Variants in NXPE4 observed in about 807,000 individuals in gnomAD.
NXPE4 encodes NXPE family member 4.
NXPE4 carries 42 observed loss-of-function variants against 33.3 expected under a neutral mutation model. That is an observed-to-expected ratio of 1.26 (90% CI 0.98 to 1.63). The LOEUF (loss-of-function observed/expected upper bound fraction) is 1.63, where lower values mean the gene tolerates loss of function less well. NXPE4 is among the 40% of genes most tolerant of loss of function. The pLI, the probability that NXPE4 is intolerant of heterozygous loss-of-function variation, is 0.00. For synonymous variants in NXPE4, 253 were observed against 234.9 expected, an observed-to-expected ratio of 1.08 and a Z score of -0.71; for missense variants, 709 against 647.6, an observed-to-expected ratio of 1.09 and a Z score of -1.03.
At chr11:114,580,545 T>C (rs1053685560) in intron 4 of NXPE4, among the ~76,000 whole-genome samples, 1 of 152,204 alleles carries the variant, frequency 6.6e-6, no homozygotes, top group African/African-American at 2.4e-5. Context: ...ATAATGTTCA[T>C]TAATGTTCGT....
chr11:114,607,888 C>T, the NXPE4 span, among the ~76,000 whole-genome samples: 1 of 151,950 alleles, frequency 6.6e-6, no homozygotes, highest in African/African-American at 2.4e-5. Context: ...GTAAGTACTG[C>T]CTCGTGGGTA....
the NXPE4 span, among the ~76,000 whole-genome samples, chr11:114,671,541 G>A: frequency 6.6e-6 from 1 of 151,882 alleles, no homozygotes; most frequent in Non-Finnish European, 1.5e-5. Flanking sequence ...AGCAGCAAGA[G>A]GAAAATAATT....
intron 2 of NXPE4, among the ~76,000 whole-genome samples, chr11:114,593,991 G>A (rs1949521804): frequency 6.6e-6 from 1 of 152,064 alleles, no homozygotes; most frequent in Admixed American, 6.6e-5. Flanking sequence ...AAGTCATGGA[G>A]TTAGAGAGTA....
At chr11:114,626,811 C>T in the NXPE4 span, among the ~76,000 whole-genome samples, 2 of 152,006 alleles carry the variant, frequency 1.3e-5, no homozygotes, top group East Asian at 1.9e-4. Flanking sequence ...AACCAATACA[C>T]AGAAGTGCTT....
intron 4 of NXPE4, among the ~76,000 whole-genome samples, chr11:114,581,118 A>G (rs1033363738): frequency 2.0e-5 from 3 of 152,138 alleles, no homozygotes; most frequent in African/African-American, 7.2e-5. Flanking sequence ...TTCTTTTTTT[A>G]TGATTAGCAA....
chr11:114,606,747 A>C, the NXPE4 span, among the ~76,000 whole-genome samples: 24 of 152,044 alleles, frequency 1.6e-4, no homozygotes, highest in East Asian at 4.3e-3. Flanking sequence ...CTGCTGGATA[A>C]TAAGTAGTAC....
intron 4 of NXPE4, 44 bp from the exon 5 acceptor site, chr11:114,580,382 T>G (rs1420576051): frequency 6.5e-7 from 1 of 1,538,148 alleles, no homozygotes. Context: ...AACATCAAAT[T>G]ACCCGTCAGT....
At chr11:114,610,334 T>C in the NXPE4 span, among the ~76,000 whole-genome samples, 1 of 151,760 alleles carries the variant, frequency 6.6e-6, no homozygotes, top group African/African-American at 2.4e-5. Context: ...GAATAATAAG[T>C]ATGGCCTCAT....
At chr11:114,656,918 C>T in the NXPE4 span, among the ~76,000 whole-genome samples, 1 of 151,998 alleles carries the variant, frequency 6.6e-6, no homozygotes, top group African/African-American at 2.4e-5. Flanking sequence ...CGGTGAAACC[C>T]CGTCTCTACT....
chr11:114,600,637 A>T (rs1293820528), upstream of NXPE4, among the ~76,000 whole-genome samples: 1 of 152,130 alleles, frequency 6.6e-6, no homozygotes, highest in Non-Finnish European at 1.5e-5. Flanking sequence ...AGGAGACATG[A>T]TGACTAAATG....
chr11:114,631,146 C>G, the NXPE4 span, among the ~76,000 whole-genome samples: 1 of 151,946 alleles, frequency 6.6e-6, no homozygotes, highest in Non-Finnish European at 1.5e-5. Flanking sequence ...CTAGAAATAC[C>G]ATTTGACCCA....
the NXPE4 span, among the ~76,000 whole-genome samples, chr11:114,601,093 C>G: frequency 6.6e-6 from 1 of 151,584 alleles, no homozygotes; most frequent in Non-Finnish European, 1.5e-5. Flanking sequence ...TTGCTATTTA[C>G]TTATTTATAT....
chr11:114,635,559 G>A, the NXPE4 span, among the ~76,000 whole-genome samples: 33 of 152,118 alleles, frequency 2.2e-4, no homozygotes, highest in African/African-American at 6.7e-4. Flanking sequence ...CAAAGGGAAT[G>A]CTTCCAGTTT....
At position 114,582,784 on chromosome 11, in the gene NXPE4, A is replaced by G. The variant is rs1949184659; in HGVS notation, c.334T>C (p.Cys112Arg). 2 of 1,614,022 alleles carry G rather than the reference A, an allele frequency of 1.2e-6. No individual in the cohort carries two copies. The highest frequency in any genetic ancestry group is 3.3e-5 in the Admixed American group (2 of 60,004). ...ATILNPRDTY[C>R]RGDQLHILLE... is the part of the protein sequence containing the mutation. ...AGGATGTGCAGCTGGTCTCCCCTGC[A>G]GTACGTATCTCGAGGGTTGAGGATG... The change falls in exon 3 of 6, where the codon TGC (cysteine) becomes CGC (arginine). Residue 112 changes from cysteine to arginine, a missense_variant. By Grantham distance (180) the Cys-to-Arg change is radical. Transcript: ENST00000375478.
chr11:114,602,173 A>T, the NXPE4 span, among the ~76,000 whole-genome samples: 1 of 107,370 alleles, frequency 9.3e-6, no homozygotes, highest in Admixed American at 1.4e-4. Context: ...ATAATATATT[A>T]TACTATATAC....
the NXPE4 span, among the ~76,000 whole-genome samples, chr11:114,639,831 T>TTAAATATAAAATATAATATATAATA: frequency 9.3e-6 from 1 of 107,986 alleles, no homozygotes; most frequent in East Asian, 2.9e-4. Flanking sequence ...ATAATATATA[T>TTAAATATAAAATATAATATATAATA]TATATTAAAT....
the NXPE4 span, among the ~76,000 whole-genome samples, chr11:114,632,470 A>G: frequency 7.8e-6 from 1 of 128,544 alleles, no homozygotes; most frequent in Non-Finnish European, 1.6e-5. Flanking sequence ...TACATTATAT[A>G]TACTATATAA....
chr11:114,608,695 A>G, the NXPE4 span, among the ~76,000 whole-genome samples: 1 of 151,926 alleles, frequency 6.6e-6, no homozygotes, highest in African/African-American at 2.4e-5. Context: ...CCAGGTAACC[A>G]CTGTAACCAG....
chr11:114,667,815 C>G, the NXPE4 span, among the ~76,000 whole-genome samples: 1 of 152,162 alleles, frequency 6.6e-6, no homozygotes, highest in Admixed American at 6.6e-5. Context: ...AGCTGCCATA[C>G]TGACAGAGAC....
Sources: allele counts gnomAD v4.1 joint callset (sites outside exome capture counted in the v4.1 genomes callset), GRCh38; gene constraint gnomAD v4.1.1; transcripts MANE v1.5; gene names NCBI Gene and HGNC (gene_info 2026-07-23, HGNC 2026-07-21).